ARID2: variants seen among roughly 807,000 people sequenced by gnomAD.
The protein encoded by ARID2 is AT-rich interactive domain-containing protein 2.
A neutral mutation model predicts 184.6 loss-of-function variants in ARID2; 32 were observed. That is an observed-to-expected ratio of 0.17 (90% CI 0.13 to 0.23). ARID2 has a LOEUF of 0.23. Ranked by LOEUF, ARID2 falls within the 10% of genes least tolerant of loss-of-function variation. The probability of loss-of-function intolerance (pLI) is 1.00; values close to 1 mark genes in which losing one functional copy is unlikely to be tolerated. For missense variants in ARID2, 1,696 were observed against 2,197.6 expected (o/e 0.77, Z 4.56); for synonymous variants, 836 against 772.6 (o/e 1.08, Z -1.36).
chr12:45,888,364 C>G (rs899025981), intron 16 of ARID2, among the ~76,000 whole-genome samples: 1 of 152,146 alleles, frequency 6.6e-6, no homozygotes, highest in Non-Finnish European at 1.5e-5. Context: ...AGTTGAATTG[C>G]AGATAGTTTC....
chr12:45,795,440 A>AT (rs556421487), intron 3 of ARID2, among the ~76,000 whole-genome samples: 11 of 145,318 alleles, frequency 7.6e-5, no homozygotes, highest in Non-Finnish European at 1.2e-4. Context: ...TTTCTTTTTT[A>AT]TTTTTTTTTT....
At chr12:45,883,274 A>C (rs1336622392) in intron 16 of ARID2, among the ~76,000 whole-genome samples, 1 of 152,012 alleles carries the variant, frequency 6.6e-6, no homozygotes, top group Non-Finnish European at 1.5e-5. Flanking sequence ...ACCTTGCTCT[A>C]TTATTTTAAA....
At chr12:45,755,061 A>G (rs1027237819) in intron 3 of ARID2, among the ~76,000 whole-genome samples, 1 of 152,336 alleles carries the variant, frequency 6.6e-6, no homozygotes, top group East Asian at 1.9e-4. Flanking sequence ...TGTATTTTAA[A>G]CATGTAAATG....
intron 4 of ARID2, among the ~76,000 whole-genome samples, chr12:45,813,445 C>T (rs1300938669): frequency 1.6e-4 from 21 of 132,958 alleles, no homozygotes; most frequent in Admixed American, 3.2e-4. Context: ...TGTGTGTGTG[C>T]GTGCATGTGT....
At chr12:45,821,937 T>C (rs1368702732) in intron 6 of ARID2, among the ~76,000 whole-genome samples, 2 of 152,210 alleles carry the variant, frequency 1.3e-5, no homozygotes, top group Non-Finnish European at 2.9e-5. Flanking sequence ...CAAAATATAG[T>C]TGTGAATTTC....
intron 16 of ARID2, among the ~76,000 whole-genome samples, chr12:45,885,387 A>G (rs1767535145): frequency 6.6e-6 from 1 of 151,886 alleles, no homozygotes; most frequent in Non-Finnish European, 1.5e-5. Flanking sequence ...ATTAACATTT[A>G]TGTGCCATCT....
chr12:45,888,932 A>G (rs1322819571), intron 16 of ARID2, among the ~76,000 whole-genome samples: 1 of 152,228 alleles, frequency 6.6e-6, no homozygotes, highest in Non-Finnish European at 1.5e-5. Flanking sequence ...CCACACCTGT[A>G]ATCCCAGCAC....
intron 16 of ARID2, among the ~76,000 whole-genome samples, chr12:45,885,194 A>G (rs1944166589): frequency 6.6e-6 from 1 of 151,926 alleles, no homozygotes; most frequent in Non-Finnish European, 1.5e-5. Context: ...ATTTGAATAT[A>G]TAATAATGCT....
rs1942706635 is a variant in ARID2 at position 45,811,421 on chromosome 12, C to T, written c.288C>T (p.Tyr96=). The T allele has an allele frequency of 6.2e-7, 1 of 1,608,996 alleles. No homozygotes were observed. Among genetic ancestry groups the T allele is most frequent in the South Asian group, 1.1e-5 (1 of 90,258 alleles). The change falls in exon 4 of 21, where the codon TAC becomes TAT. Residue 96 remains tyrosine, a synonymous_variant. Coordinates refer to ENST00000334344, the MANE Select transcript of ARID2 (RefSeq NM_152641.4). ...CTGTGCTGTTTTTCTGTTTCAGTTA[C>T]CTAGAAAAGTACGAGAAAGTTCATC... ...AFALKQYYLR[Y]LEKYEKVHHF...
rs2138231838 is a variant in ARID2 at position 45,891,790 on chromosome 12, A to T, written c.4933A>T (p.Thr1645Ser). The T allele has an allele frequency of 2.5e-6, 4 of 1,613,812 alleles. No individual in the cohort carries two copies. Among genetic ancestry groups the T allele is most frequent in the Non-Finnish European group, 3.4e-6 (4 of 1,179,934 alleles). ...TTTTATTTTTTATAGGTGGTTTCAG[A>T]CACCCTCACAGGTTTTCTACCATGC... ...LWQSCKKWFQ[T>S]PSQVFYHAAT... Residue 1645 changes from threonine to serine, a missense_variant, in exon 17 of 21, where the codon ACA becomes TCA. Thr to Ser is a moderately conservative substitution (Grantham distance 58). Coordinates refer to ENST00000334344, the MANE Select transcript of ARID2 (RefSeq NM_152641.4).
chr12:45,832,252 T>G (rs1291065267), intron 6 of ARID2, among the ~76,000 whole-genome samples: 1 of 152,192 alleles, frequency 6.6e-6, no homozygotes, highest in Non-Finnish European at 1.5e-5. Flanking sequence ...AGAAGTCAAC[T>G]TTTTTCTTAT....
chr12:45,768,794 TTTGA>T (rs762498936), intron 3 of ARID2, among the ~76,000 whole-genome samples: 13 of 152,296 alleles, frequency 8.5e-5, no homozygotes, highest in Non-Finnish European at 1.5e-4. Context: ...CCAGATTTGT[TTTGA>T]TTGACCTGTG....
chr12:45,819,181 T>C (rs1026140783), intron 5 of ARID2, among the ~76,000 whole-genome samples: 2 of 152,206 alleles, frequency 1.3e-5, no homozygotes, highest in Non-Finnish European at 2.9e-5. Flanking sequence ...TGAATAGGAT[T>C]ACATGTAAAT....
intron 3 of ARID2, among the ~76,000 whole-genome samples, chr12:45,742,829 A>G (rs950049350): frequency 6.6e-6 from 1 of 152,228 alleles, no homozygotes. Context: ...TGGGGATTGA[A>G]GCAGCAATCA....
At chr12:45,880,596 T>C (rs1350121773) in intron 16 of ARID2, among the ~76,000 whole-genome samples, 1 of 152,200 alleles carries the variant, frequency 6.6e-6, no homozygotes, top group African/African-American at 2.4e-5. Context: ...GCCTCATGGA[T>C]AAGATGGGGA....
intron 3 of ARID2, among the ~76,000 whole-genome samples, chr12:45,763,518 A>G (rs558317705): frequency 6.6e-6 from 1 of 152,086 alleles, no homozygotes; most frequent in Admixed American, 6.5e-5. Flanking sequence ...GAGGGAAATA[A>G]TTGGAGGAGA....
chr12:45,901,868 G>T (rs1944464761), intron 20 of ARID2, among the ~76,000 whole-genome samples: 3 of 151,868 alleles, frequency 2.0e-5, no homozygotes, highest in Admixed American at 1.3e-4. Flanking sequence ...GTGGGGGAGG[G>T]TGTCTCACTA....
chr12:45,830,368 G>A lies in ARID2; in HGVS notation c.706-6221G>A, dbSNP rs376609353. 2.3e-3 allele frequency among the ~76,000 whole-genome samples: 345 copies of A among 152,190 alleles called. 12 individuals are homozygous for A. In the South Asian group the frequency reaches 0.067, roughly 30 times the overall value. The stretch of plus-strand genomic sequence containing the variant: ...TTCTTCATTGATTTTCGGGTAACTC[G>A]AGTAGTTACTAAAACCAAATCAATG... On this transcript the variant is annotated intron_variant, in intron 6 of 20. Transcript: ENST00000334344.
intron 16 of ARID2, among the ~76,000 whole-genome samples, chr12:45,874,795 ACTAT>A (rs1943984223): frequency 6.6e-6 from 1 of 152,234 alleles, no homozygotes; most frequent in Admixed American, 6.5e-5. Flanking sequence ...CCATGGAATT[ACTAT>A]CTATAGCAGC....
Sources: gnomAD v4.1 joint callset for allele counts (sites outside exome capture counted in the v4.1 genomes callset) on GRCh38, gnomAD v4.1.1 for gene constraint, MANE v1.5 for transcripts, NCBI Gene and HGNC (gene_info 2026-07-23, HGNC 2026-07-21) for gene names.